The following NXPH1 variants were observed in gnomAD, a reference collection of about 807,000 sequenced individuals.
The protein encoded by NXPH1 is neurexophilin 1.
NXPH1 carries 5 observed loss-of-function variants against 23.7 expected under a neutral mutation model. That is an observed-to-expected ratio of 0.21 (90% CI 0.11 to 0.44). The LOEUF is 0.44. Among genes scored for constraint, NXPH1 ranks in the 20% least tolerant of loss-of-function variants. The probability of loss-of-function intolerance (pLI) is 0.99; values close to 1 mark genes in which losing one functional copy is unlikely to be tolerated. For synonymous variants in NXPH1, 144 were observed against 122.2 expected (o/e 1.18, Z -1.18); for missense variants, 324 against 321.6 (o/e 1.01, Z -0.06).
In NXPH1 at chr7:8,696,326, G is replaced by A. The variant is rs541493169; in HGVS notation, c.55-54682G>A. On this transcript the variant is annotated intron_variant, in intron 2 of 2. Coordinates refer to ENST00000405863, the MANE Select transcript of NXPH1 (RefSeq NM_152745.3). Reference sequence around the variant, plus strand: ...TCCTGAATTCACTCTAATGACTATGGGGACATTGGGCACAGGCTAATGACT... The same window carrying A: ...TCCTGAATTCACTCTAATGACTATGAGGACATTGGGCACAGGCTAATGACT... 3.3e-5 allele frequency among the ~76,000 whole-genome samples: 5 copies of A among 152,214 alleles called. No individual in the cohort carries two copies. The South Asian group carries it at 1.0e-3, about 32-fold the overall frequency.
intron 2 of NXPH1, among the ~76,000 whole-genome samples, chr7:8,639,703 G>T (rs1362474359): frequency 1.3e-5 from 2 of 152,150 alleles, no homozygotes; most frequent in Non-Finnish European, 2.9e-5. Flanking sequence ...GGGGGAGGTG[G>T]TTGAATCATG....
intron 2 of NXPH1, among the ~76,000 whole-genome samples, chr7:8,598,144 G>A (rs1819270709): frequency 6.6e-6 from 1 of 152,028 alleles, no homozygotes; most frequent in Non-Finnish European, 1.5e-5. Context: ...CATCTTTATT[G>A]CTATTCATAT....
At chr7:8,489,229 G>T (rs763374728) in intron 2 of NXPH1, among the ~76,000 whole-genome samples, 2 of 152,010 alleles carry the variant, frequency 1.3e-5, no homozygotes, top group Non-Finnish European at 2.9e-5. Context: ...TCCTTCTTCA[G>T]TGTTCTATAC....
intron 2 of NXPH1, among the ~76,000 whole-genome samples, chr7:8,610,694 T>C (rs80326333): frequency 0.034 from 5,140 of 152,150 alleles, 195 homozygotes; most frequent in African/African-American, 0.092. Flanking sequence ...TTTTGTTGAT[T>C]CATTCCCTCT....
intron 2 of NXPH1, among the ~76,000 whole-genome samples, chr7:8,479,356 C>G (rs568798823): frequency 1.7e-3 from 265 of 152,212 alleles, no homozygotes; most frequent in Non-Finnish European, 1.8e-3. Flanking sequence ...ATGTGATTTT[C>G]TAATTCTGTC....
chr7:8,742,785 G>A (rs1156359597), intron 2 of NXPH1, among the ~76,000 whole-genome samples: 1 of 151,914 alleles, frequency 6.6e-6, no homozygotes. Flanking sequence ...GTTTTAATAA[G>A]CATAAATTAA....
intron 2 of NXPH1, among the ~76,000 whole-genome samples, chr7:8,456,040 G>A (rs958491371): frequency 8.5e-5 from 13 of 152,270 alleles, no homozygotes; most frequent in African/African-American, 3.1e-4. Context: ...AGGAAAGCCA[G>A]GCATGGGTAA....
intron 2 of NXPH1, among the ~76,000 whole-genome samples, chr7:8,649,125 A>T (rs995390529): frequency 6.6e-6 from 1 of 151,950 alleles, no homozygotes; most frequent in Non-Finnish European, 1.5e-5. Flanking sequence ...CTTTATATAC[A>T]TCTCTTTAAA....
chr7:8,546,482 A>AGAGTCACT (rs141523321), intron 2 of NXPH1, among the ~76,000 whole-genome samples: 4,171 of 151,454 alleles, frequency 0.028, 189 homozygotes, highest in African/African-American at 0.093. Flanking sequence ...ACTCTGTCTT[A>AGAGTCACT]GAGTCACTGA....
chr7:8,700,085 A>ATTTC (rs1240614542), intron 2 of NXPH1, among the ~76,000 whole-genome samples: 1 of 152,152 alleles, frequency 6.6e-6, no homozygotes, highest in Non-Finnish European at 1.5e-5. Flanking sequence ...TGCCTGTGAA[A>ATTTC]GGCAGCAGAG....
chr7:8,675,899 C>A (rs1011260566), intron 2 of NXPH1, among the ~76,000 whole-genome samples: 1 of 152,172 alleles, frequency 6.6e-6, no homozygotes, highest in African/African-American at 2.4e-5. Context: ...ACACCCATTT[C>A]CATCTAGCCT....
chr7:8,468,885 T>A lies in NXPH1; in HGVS notation c.54+33118T>A, dbSNP rs1328723143. Reference sequence around the variant, plus strand: ...GGAAAGGTAGTTTCATCTAAAATAATTTATTTTCTTCTATTTCTGGAAAAG... The same window carrying A: ...GGAAAGGTAGTTTCATCTAAAATAAATTATTTTCTTCTATTTCTGGAAAAG... On this transcript the variant is annotated intron_variant, in intron 2 of 2. Coordinates refer to ENST00000405863, the MANE Select transcript of NXPH1 (RefSeq NM_152745.3). Among the ~76,000 whole-genome samples the A allele has an allele frequency of 2.0e-5, 3 of 152,054 alleles. No individual in the cohort carries two copies. In the East Asian group the frequency reaches 5.8e-4, roughly 29 times the overall value.
chr7:8,486,486 C>A (rs1817161265), intron 2 of NXPH1, among the ~76,000 whole-genome samples: 1 of 152,152 alleles, frequency 6.6e-6, no homozygotes, highest in Non-Finnish European at 1.5e-5. Context: ...AGGATACATT[C>A]TTCTTTTAAT....
intron 2 of NXPH1, among the ~76,000 whole-genome samples, chr7:8,534,968 A>G (rs1017676222): frequency 2.0e-5 from 3 of 152,128 alleles, no homozygotes; most frequent in East Asian, 1.9e-4. Context: ...AAGCAAATAG[A>G]CAAAAAGAAA....
chr7:8,464,423 A>G (rs1307532992), intron 2 of NXPH1, among the ~76,000 whole-genome samples: 2 of 152,222 alleles, frequency 1.3e-5, no homozygotes, highest in Admixed American at 6.5e-5. Flanking sequence ...TGAGTCAGAC[A>G]TTCAAAGCAT....
chr7:8,709,765 T>A lies in NXPH1; in HGVS notation c.55-41243T>A, dbSNP rs186448669. 4.3e-3 allele frequency among the ~76,000 whole-genome samples: 654 copies of A among 152,346 alleles called. 4 individuals are homozygous for A. The highest frequency in any genetic ancestry group is 0.015 in the African/African-American group (618 of 41,580). ...ATAAATTATTTTTCTAGTCCTTTTTTAAAACCAAAGTACAATGATTTTCTA... is the reference window on the plus strand; with the variant it reads ...ATAAATTATTTTTCTAGTCCTTTTTAAAAACCAAAGTACAATGATTTTCTA... On this transcript the variant is annotated intron_variant, in intron 2 of 2. Coordinates refer to ENST00000405863, the MANE Select transcript of NXPH1 (RefSeq NM_152745.3).
rs533862085 is a variant in NXPH1, at chr7:8,720,578, G to A, written c.55-30430G>A. Reference sequence around the variant, plus strand: ...ATGGATTTTAAAAAACATTAGCTTCGCTTAAACAAAATGTGAAATGAAACA... The same window carrying A: ...ATGGATTTTAAAAAACATTAGCTTCACTTAAACAAAATGTGAAATGAAACA... On this transcript the variant is annotated intron_variant, in intron 2 of 2. Coordinates refer to ENST00000405863, the MANE Select transcript of NXPH1 (RefSeq NM_152745.3). Among the ~76,000 whole-genome samples the A allele has an allele frequency of 5.2e-4, 79 of 152,232 alleles. 2 individuals are homozygous for A. The South Asian group carries it at 0.014, about 26-fold the overall frequency.
At chr7:8,490,161 A>G (rs1371684705) in intron 2 of NXPH1, among the ~76,000 whole-genome samples, 1 of 152,060 alleles carries the variant, frequency 6.6e-6, no homozygotes, top group Non-Finnish European at 1.5e-5. Context: ...CAAACCAAAT[A>G]TTTAAATGCT....
At chr7:8,456,156 T>G (rs544503070) in intron 2 of NXPH1, among the ~76,000 whole-genome samples, 2 of 152,296 alleles carry the variant, frequency 1.3e-5, no homozygotes, top group South Asian at 2.1e-4. Context: ...ATTTTGCCCA[T>G]GACAGAAATT....
Sources: allele counts gnomAD v4.1 joint callset (sites outside exome capture counted in the v4.1 genomes callset), GRCh38; gene constraint gnomAD v4.1.1; transcripts MANE v1.5; gene names NCBI Gene and HGNC (gene_info 2026-07-23, HGNC 2026-07-21).